LRRC4C: variants seen among roughly 807,000 people sequenced by gnomAD.
LRRC4C encodes leucine-rich repeat-containing protein 4C.
A neutral mutation model predicts 33.6 loss-of-function variants in LRRC4C; 5 were observed. The observed-to-expected ratio is 0.15, with a 90% CI of 0.08 to 0.31. LRRC4C has a LOEUF of 0.31. LRRC4C is among the 10% of genes least tolerant of loss of function. LRRC4C has a pLI of 1.00. For synonymous variants in LRRC4C, 329 were observed against 302.0 expected (o/e 1.09, Z -0.93); for missense variants, 560 against 796.7 (o/e 0.70, Z 3.58).
intron 1 of LRRC4C, among the ~76,000 whole-genome samples, chr11:41,200,578 T>G (rs1020369982): frequency 6.6e-5 from 10 of 152,092 alleles, no homozygotes; most frequent in African/African-American, 2.4e-4. Flanking sequence ...AAAACAGAGA[T>G]AAAACTTGCT....
At chr11:40,260,982 G>T (rs181352012) in intron 4 of LRRC4C, among the ~76,000 whole-genome samples, 2 of 152,220 alleles carry the variant, frequency 1.3e-5, no homozygotes, top group Admixed American at 6.5e-5. Flanking sequence ...CTGGGCTCAA[G>T]TAATATTCCT....
At chr11:40,545,780 T>C (rs550198062) in intron 3 of LRRC4C, among the ~76,000 whole-genome samples, 4 of 152,102 alleles carry the variant, frequency 2.6e-5, no homozygotes, top group Admixed American at 1.3e-4. Context: ...TAGAGAGCCT[T>C]GGTCAACAAA....
intron 3 of LRRC4C, among the ~76,000 whole-genome samples, chr11:40,325,956 C>G (rs1371130690): frequency 6.6e-6 from 1 of 150,636 alleles, no homozygotes; most frequent in African/African-American, 2.4e-5. Flanking sequence ...GGATGATACT[C>G]AAAGCTTGAT....
chr11:41,088,200 A>C (rs900439730), intron 1 of LRRC4C, among the ~76,000 whole-genome samples: 1 of 152,098 alleles, frequency 6.6e-6, no homozygotes, highest in Admixed American at 6.6e-5. Flanking sequence ...CAAATAAGTA[A>C]TTTACTTGCT....
intron 3 of LRRC4C, among the ~76,000 whole-genome samples, chr11:40,591,319 G>A (rs1959047564): frequency 6.6e-6 from 1 of 152,158 alleles, no homozygotes; most frequent in Non-Finnish European, 1.5e-5. Flanking sequence ...GTGAGGCAAT[G>A]CCTCGCCCTG....
chr11:41,183,927 C>G (rs1331862484), intron 1 of LRRC4C, among the ~76,000 whole-genome samples: 1 of 152,192 alleles, frequency 6.6e-6, no homozygotes, highest in Non-Finnish European at 1.5e-5. Context: ...CCTGCAGGCT[C>G]AACACCACAT....
rs193283382 is a variant in LRRC4C, at chr11:40,970,187, G to A, written c.-495-36464C>T. Among the ~76,000 whole-genome samples, 5 of 152,224 alleles carry A rather than the reference G, an allele frequency of 3.3e-5. No individual in the cohort carries two copies. In the East Asian group the frequency reaches 9.7e-4, roughly 29 times the overall value. On this transcript the variant is annotated intron_variant, in intron 1 of 6. Transcript: ENST00000528697. ...CAAACCAAGAGATGGTAATTGATAA[G>A]GTTTGGATCTGCATTCCCACCCAAG...
chr11:41,108,989 C>G (rs1486203618), intron 1 of LRRC4C, among the ~76,000 whole-genome samples: 1 of 152,056 alleles, frequency 6.6e-6, no homozygotes, highest in Admixed American at 6.6e-5. Context: ...GGAGCTGGGT[C>G]TCAAAGTCCT....
At chr11:41,379,538 A>C (rs183571491) in intron 1 of LRRC4C, among the ~76,000 whole-genome samples, 13 of 152,294 alleles carry the variant, frequency 8.5e-5, no homozygotes, top group Admixed American at 3.3e-4. Flanking sequence ...TTATATAAAT[A>C]ATATAGAATA....
chr11:41,026,795 CAA>C (rs34051734), intron 1 of LRRC4C, among the ~76,000 whole-genome samples: 30 of 148,090 alleles, frequency 2.0e-4, no homozygotes, highest in South Asian at 4.3e-4. Context: ...CATTTTTTAC[CAA>C]AAAAAAAAAA....
chr11:40,515,574 A>T (rs55956195), intron 3 of LRRC4C, among the ~76,000 whole-genome samples: 2,707 of 152,180 alleles, frequency 0.018, 45 homozygotes, highest in South Asian at 0.034. Flanking sequence ...ATTTGACTTC[A>T]TGAAGTAGAC....
intron 1 of LRRC4C, among the ~76,000 whole-genome samples, chr11:40,944,550 T>C (rs1958304182): frequency 6.6e-6 from 1 of 152,202 alleles, no homozygotes; most frequent in Non-Finnish European, 1.5e-5. Context: ...ATTTGGCTAG[T>C]ACCTCTGTCT....
At chr11:40,738,280 C>G (rs1443692036) in intron 2 of LRRC4C, among the ~76,000 whole-genome samples, 1 of 152,136 alleles carries the variant, frequency 6.6e-6, no homozygotes, top group Non-Finnish European at 1.5e-5. Flanking sequence ...GGCTTTCAGA[C>G]TTGGAGTGTA....
intron 3 of LRRC4C, among the ~76,000 whole-genome samples, chr11:40,384,440 T>A (rs1949025471): frequency 6.6e-6 from 1 of 152,204 alleles, no homozygotes; most frequent in South Asian, 2.1e-4. Context: ...GTAGGCACTA[T>A]TAACTCTATT....
At chr11:40,436,609 T>C (rs978931884) in intron 3 of LRRC4C, among the ~76,000 whole-genome samples, 1 of 152,076 alleles carries the variant, frequency 6.6e-6, no homozygotes, top group African/African-American at 2.4e-5. Context: ...ACTCAAATGC[T>C]CCAAGACTCA....
At chr11:40,942,495 T>C (rs528685963) in intron 1 of LRRC4C, among the ~76,000 whole-genome samples, 1 of 152,252 alleles carries the variant, frequency 6.6e-6, no homozygotes, top group South Asian at 2.1e-4. Flanking sequence ...ATTCCAGGCA[T>C]GAACTAATGT....
intron 1 of LRRC4C, among the ~76,000 whole-genome samples, chr11:41,442,545 C>G (rs1233849868): frequency 9.2e-5 from 13 of 141,804 alleles, no homozygotes; most frequent in Admixed American, 7.4e-4. Context: ...TCTCGGCTCA[C>G]TGCAAGCTCC....
At chr11:40,601,084 C>A (rs1422394355) in intron 3 of LRRC4C, among the ~76,000 whole-genome samples, 2 of 152,126 alleles carry the variant, frequency 1.3e-5, no homozygotes, top group Non-Finnish European at 2.9e-5. Flanking sequence ...TCATTAAACC[C>A]TTCATTTTTT....
intron 2 of LRRC4C, among the ~76,000 whole-genome samples, chr11:40,800,488 T>C (rs1245530452): frequency 6.6e-6 from 1 of 152,246 alleles, no homozygotes; most frequent in Non-Finnish European, 1.5e-5. Flanking sequence ...GAAGTTACCT[T>C]TTTAAAATTT....
Sources: allele counts gnomAD v4.1 joint callset (sites outside exome capture counted in the v4.1 genomes callset), GRCh38; gene constraint gnomAD v4.1.1; transcripts MANE v1.5; gene names NCBI Gene and HGNC (gene_info 2026-07-23, HGNC 2026-07-21).